KDM4C: variants seen among roughly 807,000 people sequenced by gnomAD.
KDM4C encodes the protein lysine-specific demethylase 4C.
Under a neutral mutation model 129.3 loss-of-function variants are expected in KDM4C, and 81 were observed. The observed-to-expected ratio is 0.63, with a 90% CI of 0.52 to 0.75. KDM4C has a LOEUF of 0.75. KDM4C is among the 30% of genes least tolerant of loss of function. The pLI is 0.00. For synonymous variants in KDM4C, 573 were observed against 456.1 expected, an observed-to-expected ratio of 1.26 and a Z score of -3.26; for missense variants, 1,457 against 1,304.0, an observed-to-expected ratio of 1.12 and a Z score of -1.81.
intron 8 of KDM4C, among the ~76,000 whole-genome samples, chr9:6,972,353 C>A (rs1248180036): frequency 1.3e-5 from 2 of 151,964 alleles, no homozygotes; most frequent in South Asian, 4.1e-4. Context: ...AATGGTAATG[C>A]ATTTCCATAT....
In KDM4C at chr9:6,907,153, A is replaced by G. The variant is rs186173514; in HGVS notation, c.921+13921A>G. Among the ~76,000 whole-genome samples, 4 of 152,364 alleles carry G rather than the reference A, an allele frequency of 2.6e-5. No individual in the cohort carries two copies. The East Asian group carries it at 7.7e-4, about 29-fold the overall frequency. On this transcript the variant is annotated intron_variant, in intron 8 of 21. Coordinates refer to ENST00000381309, the MANE Select transcript of KDM4C (RefSeq NM_015061.6). ...GCAGGGTGTATGTATTGATGTGATAATGATCTTCAAAATATATTGTTATGT... is the reference window on the plus strand; with the variant it reads ...GCAGGGTGTATGTATTGATGTGATAGTGATCTTCAAAATATATTGTTATGT...
intron 8 of KDM4C, among the ~76,000 whole-genome samples, chr9:6,914,709 G>T (rs938210926): frequency 1.3e-5 from 2 of 152,216 alleles, no homozygotes; most frequent in Non-Finnish European, 2.9e-5. Flanking sequence ...AATGGGATTT[G>T]TGTTCTAACA....
chr9:7,153,226 C>A (rs1274321943), intron 19 of KDM4C, among the ~76,000 whole-genome samples: 2 of 152,144 alleles, frequency 1.3e-5, no homozygotes, highest in African/African-American at 4.8e-5. Flanking sequence ...TTTGGGTGAG[C>A]CACCATGCCC....
intron 8 of KDM4C, among the ~76,000 whole-genome samples, chr9:6,915,937 C>T (rs1361664287): frequency 6.6e-6 from 1 of 152,202 alleles, no homozygotes; most frequent in Non-Finnish European, 1.5e-5. Flanking sequence ...GGGCTTTTAT[C>T]ACTGACAGAT....
intron 7 of KDM4C, among the ~76,000 whole-genome samples, chr9:6,892,315 A>G (rs1846211785): frequency 6.6e-6 from 1 of 152,176 alleles, no homozygotes; most frequent in African/African-American, 2.4e-5. Flanking sequence ...TATCGGATAG[A>G]TACTTTTTTA....
chr9:6,720,889 G>C (rs747600972), exon 1 of KDM4C: 87 of 1,459,022 alleles, frequency 6.0e-5, no homozygotes, highest in Non-Finnish European at 8.0e-5. Context: ...TCTGTGACCT[G>C]AAAGTTGTTG....
At chr9:6,808,160 C>T (rs1361622394) in intron 3 of KDM4C, among the ~76,000 whole-genome samples, 1 of 62,412 alleles carries the variant, frequency 1.6e-5, no homozygotes, top group Admixed American at 1.3e-4. Context: ...GTGAGGAGCT[C>T]CTCTGCCCGG....
At chr9:6,829,218 T>A (rs1301256399) in intron 4 of KDM4C, among the ~76,000 whole-genome samples, 1 of 152,120 alleles carries the variant, frequency 6.6e-6, no homozygotes, top group Non-Finnish European at 1.5e-5. Flanking sequence ...GAGGTGAAGA[T>A]TACTGGGCAC....
intron 17 of KDM4C, among the ~76,000 whole-genome samples, chr9:7,055,104 G>A (rs1830693406): frequency 6.6e-6 from 1 of 152,040 alleles, no homozygotes; most frequent in South Asian, 2.1e-4. Context: ...CTTGAACCTG[G>A]GAGGCGGAAG....
intron 8 of KDM4C, among the ~76,000 whole-genome samples, chr9:6,913,371 G>T (rs149788956): frequency 1.3e-5 from 2 of 152,352 alleles, no homozygotes; most frequent in African/African-American, 4.8e-5. Flanking sequence ...CCCATTTGTT[G>T]TGATGTAGTG....
At chr9:6,884,835 G>A (rs1845011569) in intron 6 of KDM4C, among the ~76,000 whole-genome samples, 1 of 152,098 alleles carries the variant, frequency 6.6e-6, no homozygotes, top group African/African-American at 2.4e-5. Flanking sequence ...TAAAAGATTG[G>A]GATTTAAAAA....
intron 1 of KDM4C, among the ~76,000 whole-genome samples, chr9:6,725,965 T>TG (rs1817113420): frequency 6.6e-6 from 1 of 150,956 alleles, no homozygotes; most frequent in African/African-American, 2.4e-5. Flanking sequence ...CTCGATCTGT[T>TG]GCCCAGGCTG....
chr9:6,773,161 G>A (rs538656922), intron 1 of KDM4C, among the ~76,000 whole-genome samples: 45 of 151,922 alleles, frequency 3.0e-4, no homozygotes, highest in African/African-American at 1.1e-3. Context: ...TACTACACCT[G>A]GCTAATTTTT....
chr9:6,771,063 TG>T (rs1821723061), intron 1 of KDM4C, among the ~76,000 whole-genome samples: 1 of 143,686 alleles, frequency 7.0e-6, no homozygotes, highest in African/African-American at 2.6e-5. Context: ...CGTGAGCCAC[TG>T]CGCCCGACTG....
intron 8 of KDM4C, among the ~76,000 whole-genome samples, chr9:6,950,792 A>G (rs529897940): frequency 1.2e-3 from 190 of 152,280 alleles, no homozygotes; most frequent in Admixed American, 2.8e-3. Context: ...AAGGAGGTGC[A>G]TATGCCTTTT....
chr9:7,107,513 C>T (rs866488591), intron 18 of KDM4C, among the ~76,000 whole-genome samples: 1 of 152,186 alleles, frequency 6.6e-6, no homozygotes, highest in East Asian at 1.9e-4. Context: ...AGTAAACTTT[C>T]ATATTAGGTT....
chr9:6,901,504 T>C (rs1589012229), intron 8 of KDM4C, among the ~76,000 whole-genome samples: 1 of 152,204 alleles, frequency 6.6e-6, no homozygotes, highest in Admixed American at 6.5e-5. Context: ...CTGTGCTTAC[T>C]TCAGACATCT....
At chr9:6,952,932 A>G (rs1563875165) in intron 8 of KDM4C, among the ~76,000 whole-genome samples, 1 of 152,212 alleles carries the variant, frequency 6.6e-6, no homozygotes, top group Non-Finnish European at 1.5e-5. Flanking sequence ...AGGGAGATCT[A>G]ATATTTTTAA....
Position 7,140,349 on chromosome 9 carries a change from TTTTTTTGTTTTTG to T in KDM4C, c.2781+12125_2781+12137del, listed in dbSNP as rs369018969. ...TTTGTTTTGCTTTTTTGTTGTTGGG[TTTTTTTGTTTTTG>T]TTTTTTGTTTTGCATGAAATTAAAA... is the stretch of plus-strand genomic sequence containing the variant. On this transcript the variant is annotated intron_variant, in intron 19 of 21. Coordinates refer to ENST00000381309, the MANE Select transcript of KDM4C (RefSeq NM_015061.6). Among the ~76,000 whole-genome samples, 507 of 152,230 alleles carry T rather than the reference TTTTTTTGTTTTTG, an allele frequency of 3.3e-3. 5 individuals carry two copies. The highest frequency in any genetic ancestry group is 0.012 in the African/African-American group (482 of 41,530).
Sources: gnomAD v4.1 joint callset for allele counts (sites outside exome capture counted in the v4.1 genomes callset) on GRCh38, gnomAD v4.1.1 for gene constraint, MANE v1.5 for transcripts, NCBI Gene and HGNC (gene_info 2026-07-23, HGNC 2026-07-21) for gene names.